The following KLHL18 variants were observed in gnomAD, a reference collection of about 807,000 sequenced individuals.
The protein encoded by KLHL18 is kelch like family member 18.
A neutral mutation model predicts 58.5 loss-of-function variants in KLHL18; 38 were observed. The ratio of observed to expected loss-of-function variants is 0.65; its 90% CI spans 0.50 to 0.85. The LOEUF (loss-of-function observed/expected upper bound fraction) is 0.85. KLHL18 is among the 40% of genes least tolerant of loss of function. The probability of loss-of-function intolerance (pLI) is 0.00; values close to 1 mark genes in which losing one functional copy is unlikely to be tolerated. For missense variants in KLHL18, 624 were observed against 778.4 expected (o/e 0.80, Z 2.36); for synonymous variants, 303 against 301.9 (o/e 1.00, Z -0.04).
In KLHL18 at chr3:47,343,479, G is replaced by A. The variant is rs530755056; in HGVS notation, c.1339-76G>A. The A allele has an allele frequency of 3.9e-6, 6 of 1,539,368 alleles. No homozygotes were observed. In the African/African-American group the frequency reaches 5.5e-5, roughly 14 times the overall value. The stretch of plus-strand genomic sequence containing the variant: ...GAGTTTGACATCATGGGGGGCTGCT[G>A]TGCCCTGCACGGTCACTCCATGGAC... On this transcript the variant is annotated intron_variant, in intron 9 of 9. Transcript: ENST00000232766.
chr3:47,316,677 G>GTGTGTGTATATATACATATATACGTA (rs1703449806), intron 1 of KLHL18, among the ~76,000 whole-genome samples: 1 of 68,586 alleles, frequency 1.5e-5, no homozygotes, highest in Non-Finnish European at 2.7e-5. Flanking sequence ...ACGTATATAT[G>GTGTGTGTATATATACATATATACGTA]TATATGTGTG....
In KLHL18 at chr3:47,330,135, A is replaced by G. The variant is rs1416641793; in HGVS notation, c.586A>G (p.Lys196Glu). The G allele has an allele frequency of 3.7e-6, 6 of 1,613,994 alleles. No homozygotes were observed. The Middle Eastern group carries it at 4.9e-4, about 133-fold the overall frequency. Residue 196 changes from lysine (K) to glutamate (E), a missense_variant, in exon 4 of 10, where the codon AAA becomes GAA. Coordinates refer to ENST00000232766, the MANE Select transcript of KLHL18 (RefSeq NM_025010.5). The part of the protein sequence containing the change: ...ELVSRDELNV[K>E]SEEQVFEAAL... ...GGTGTCTCGGGATGAGCTGAATGTCAAATCTGAGGAGCAGGTATGTGAGCC... is the reference window on the plus strand; with the variant it reads ...GGTGTCTCGGGATGAGCTGAATGTCGAATCTGAGGAGCAGGTATGTGAGCC...
intron 6 of KLHL18, among the ~76,000 whole-genome samples, chr3:47,335,915 C>T (rs1476958709): frequency 6.6e-6 from 1 of 152,110 alleles, no homozygotes; most frequent in African/African-American, 2.4e-5. Flanking sequence ...GCTGGAGCGG[C>T]GTGCAAATGA....
Position 47,330,040 on chromosome 3 carries a change from A to G in KLHL18, c.491A>G (p.His164Arg). The G allele has an allele frequency of 6.2e-7, 1 of 1,614,092 alleles. No homozygotes were observed. Among genetic ancestry groups the G allele is most frequent in the Non-Finnish European group, 8.5e-7 (1 of 1,180,024 alleles). The change falls in exon 4 of 10, where the codon CAC becomes CGC. Residue 164 changes from histidine to arginine, a missense_variant. Physicochemically the swap from His to Arg is conservative, Grantham distance 29. Coordinates refer to ENST00000232766, the MANE Select transcript of KLHL18 (RefSeq NM_025010.5). ...TACGACGCTGCCAACAGCTTCATCC[A>G]CCAGCACTTTGTGGAGGTGTCCATG... ...VLYDAANSFI[H>R]QHFVEVSMSE...
intron 7 of KLHL18, among the ~76,000 whole-genome samples, chr3:47,339,552 A>G (rs1704061105): frequency 6.6e-6 from 1 of 152,194 alleles, no homozygotes; most frequent in African/African-American, 2.4e-5. Context: ...GTAAATGCAC[A>G]GCAAACAGGA....
chr3:47,335,037 G>C (rs185632842), intron 6 of KLHL18, among the ~76,000 whole-genome samples: 1 of 152,276 alleles, frequency 6.6e-6, no homozygotes, highest in Admixed American at 6.5e-5. Flanking sequence ...AAATCTTTGA[G>C]GCCTAGCCTT....
At chr3:47,308,687 G>A (rs563441082) in intron 1 of KLHL18, among the ~76,000 whole-genome samples, 87 of 152,262 alleles carry the variant, frequency 5.7e-4, no homozygotes, top group South Asian at 1.0e-3. Context: ...CACTGTGCCC[G>A]GCCAATATGT....
chr3:47,292,686 G>A (rs1269628924), intron 1 of KLHL18, among the ~76,000 whole-genome samples: 1 of 151,794 alleles, frequency 6.6e-6, no homozygotes, highest in Non-Finnish European at 1.5e-5. Context: ...CAGGCAGATG[G>A]CATGAACCCA....
At chr3:47,319,844 A>G (rs1703544174) in intron 2 of KLHL18, 61 bp downstream of exon 2, 7 of 1,589,636 alleles carry the variant, frequency 4.4e-6, no homozygotes, top group Non-Finnish European at 6.0e-6. Flanking sequence ...CAGCCTGTGC[A>G]CGGTTCCGTT....
At chr3:47,323,297 G>C (rs561413425) in intron 3 of KLHL18, among the ~76,000 whole-genome samples, 1 of 152,192 alleles carries the variant, frequency 6.6e-6, no homozygotes, top group Admixed American at 6.5e-5. Context: ...TTGCCATGTT[G>C]CCCAGGCTGG....
intron 1 of KLHL18, among the ~76,000 whole-genome samples, chr3:47,290,071 A>G (rs915803700): frequency 1.3e-5 from 2 of 152,238 alleles, no homozygotes; most frequent in African/African-American, 4.8e-5. Context: ...GCTTAGAGCT[A>G]TTAAGGGATT....
At chr3:47,335,104 T>C (rs1000930696) in intron 6 of KLHL18, among the ~76,000 whole-genome samples, 3 of 152,200 alleles carry the variant, frequency 2.0e-5, no homozygotes, top group African/African-American at 7.2e-5. Context: ...GTTCATACAA[T>C]TGTTTTTGGC....
chr3:47,322,619 C>A lies in KLHL18; in HGVS notation c.312C>A (p.Asp104Glu). ...NFAYNGNLAI[D>E]QQNVQSLLMG... Reference sequence around the variant, plus strand: ...CCTACAACGGCAACCTTGCCATTGACCAGCAAAATGTCCAGTCATTGCTGA... The same window carrying A: ...CCTACAACGGCAACCTTGCCATTGAACAGCAAAATGTCCAGTCATTGCTGA... The change falls in exon 3 of 10, where the codon GAC (aspartate) becomes GAA (glutamate). Residue 104 changes from aspartate to glutamate, a missense_variant. Asp to Glu is a conservative substitution (Grantham distance 45). Coordinates refer to ENST00000232766, the MANE Select transcript of KLHL18 (RefSeq NM_025010.5). 1 of 1,605,662 alleles carries A rather than the reference C, an allele frequency of 6.2e-7. No homozygotes were observed. Among genetic ancestry groups the A allele is most frequent in the Non-Finnish European group, 8.5e-7 (1 of 1,176,530 alleles).
chr3:47,317,349 G>C (rs1703479535), intron 1 of KLHL18, among the ~76,000 whole-genome samples: 1 of 152,050 alleles, frequency 6.6e-6, no homozygotes, highest in Non-Finnish European at 1.5e-5. Flanking sequence ...CCTGACCTCA[G>C]GTGATCCACC....
At chr3:47,306,779 C>T (rs1256573319) in intron 1 of KLHL18, among the ~76,000 whole-genome samples, 1 of 152,156 alleles carries the variant, frequency 6.6e-6, no homozygotes, top group Non-Finnish European at 1.5e-5. Flanking sequence ...TTCTGTCCAT[C>T]CACATCATCA....
chr3:47,323,080 A>ATTTCT (rs747252869), intron 3 of KLHL18, among the ~76,000 whole-genome samples: 1 of 149,884 alleles, frequency 6.7e-6, no homozygotes, highest in Non-Finnish European at 1.5e-5. Context: ...TGCTCTCTGA[A>ATTTCT]TTTCTTTTCT....
intron 1 of KLHL18, among the ~76,000 whole-genome samples, chr3:47,318,727 T>C (rs1383365708): frequency 6.6e-6 from 1 of 152,248 alleles, no homozygotes; most frequent in Non-Finnish European, 1.5e-5. Context: ...AGACTGCTAG[T>C]TGTTGTTTTT....
chr3:47,304,419 C>T (rs1304766124), intron 1 of KLHL18, among the ~76,000 whole-genome samples: 1 of 152,004 alleles, frequency 6.6e-6, no homozygotes, highest in Non-Finnish European at 1.5e-5. Context: ...AGGAGGATTG[C>T]ATGAGCCCAG....
At chr3:47,329,174 A>G (rs1703794202) in intron 3 of KLHL18, among the ~76,000 whole-genome samples, 1 of 151,246 alleles carries the variant, frequency 6.6e-6, no homozygotes, top group Non-Finnish European at 1.5e-5. Flanking sequence ...AAGAGTTCCC[A>G]TACTAAAGAA....
Sources: gnomAD v4.1 joint callset for allele counts (sites outside exome capture counted in the v4.1 genomes callset) on GRCh38, gnomAD v4.1.1 for gene constraint, MANE v1.5 for transcripts, NCBI Gene and HGNC (gene_info 2026-07-23, HGNC 2026-07-21) for gene names.